The following NFIA variants were observed in gnomAD, a reference collection of about 807,000 sequenced individuals.
NFIA encodes the protein nuclear factor 1 A-type.
In NFIA, 8 loss-of-function variants were observed where a neutral mutation model predicts 62.8. That is an observed-to-expected ratio of 0.13 (90% CI 0.07 to 0.23). The LOEUF is 0.23. Ranked by LOEUF, NFIA falls within the 10% of genes least tolerant of loss-of-function variation. The pLI is 1.00. For synonymous variants in NFIA, 235 were observed against 238.1 expected (o/e 0.99, Z 0.12); for missense variants, 410 against 642.1 (o/e 0.64, Z 3.91).
intron 2 of NFIA, among the ~76,000 whole-genome samples, chr1:61,149,014 C>A (rs1035721407): frequency 6.6e-6 from 1 of 152,012 alleles, no homozygotes; most frequent in Non-Finnish European, 1.5e-5. Context: ...CAAGTGCATG[C>A]CACCATGCCT....
At chr1:61,161,100 C>T (rs143364312) in intron 2 of NFIA, among the ~76,000 whole-genome samples, 3 of 151,972 alleles carry the variant, frequency 2.0e-5, no homozygotes, top group Non-Finnish European at 2.9e-5. Flanking sequence ...TTTTTAGTAG[C>T]GATGGGATTT....
intron 2 of NFIA, among the ~76,000 whole-genome samples, 160 bp from the exon 3 acceptor site, chr1:61,277,360 C>G (rs988769502): frequency 2.6e-5 from 4 of 152,228 alleles, no homozygotes; most frequent in African/African-American, 9.6e-5. Flanking sequence ...CCCTCTCTTT[C>G]TTTTCTCTTT....
chr1:61,094,526 T>C (rs1309285858), intron 2 of NFIA, among the ~76,000 whole-genome samples: 1 of 152,226 alleles, frequency 6.6e-6, no homozygotes, highest in African/African-American at 2.4e-5. Context: ...TTTTAGAATT[T>C]AGGAGTCCAG....
rs879027317 is a variant in NFIA, at chr1:61,455,466, A to C, written c.*146A>C. The C allele has an allele frequency of 2.3e-4, 304 of 1,349,018 alleles. 9 individuals carry two copies. The Middle Eastern group carries it at 3.6e-3, about 16-fold the overall frequency. 83.6% of individuals were successfully genotyped at this position (1,349,018 alleles called of 1,614,324 possible). On this transcript the variant is annotated 3_prime_UTR_variant, in exon 11 of 11. Transcript: ENST00000403491. ...CCGATTCAAATCAACTTGTACATGG[A>C]AACAGCAAGCATTATGGTCAAACAG...
At chr1:61,416,141 TACTC>T in intron 9 of NFIA, among the ~76,000 whole-genome samples, 1 of 152,298 alleles carries the variant, frequency 6.6e-6, no homozygotes, top group African/African-American at 2.4e-5. Flanking sequence ...AATAGTGGTT[TACTC>T]CAGGGAAAGG....
At chr1:61,211,288 C>G (rs1570388318) in intron 2 of NFIA, among the ~76,000 whole-genome samples, 1 of 152,234 alleles carries the variant, frequency 6.6e-6, no homozygotes, top group South Asian at 2.1e-4. Flanking sequence ...TCATTGAGAC[C>G]TTATGAAGCC....
chr1:61,321,830 A>C (rs1660694351), intron 3 of NFIA, among the ~76,000 whole-genome samples: 1 of 152,188 alleles, frequency 6.6e-6, no homozygotes, highest in Non-Finnish European at 1.5e-5. Context: ...TTGATATCTA[A>C]TAGACATAGT....
intron 2 of NFIA, among the ~76,000 whole-genome samples, chr1:61,181,736 A>G (rs886836659): frequency 2.0e-5 from 3 of 152,070 alleles, no homozygotes; most frequent in Non-Finnish European, 2.9e-5. Context: ...TAATATTTCA[A>G]CTCTATTCCC....
At chr1:61,288,408 T>C (rs1264004260) in intron 3 of NFIA, among the ~76,000 whole-genome samples, 4 of 152,196 alleles carry the variant, frequency 2.6e-5, no homozygotes, top group African/African-American at 7.2e-5. Context: ...TGTTTGAACA[T>C]GTTAAAGAAA....
intron 3 of NFIA, among the ~76,000 whole-genome samples, chr1:61,330,436 A>ACCCCC (rs56688086): frequency 0.033 from 2,112 of 63,220 alleles, 75 homozygotes; most frequent in East Asian, 0.058. Context: ...AAATAGATAC[A>ACCCCC]CCCCCCCCAC....
At chr1:61,250,196 T>C (rs1198295858) in intron 2 of NFIA, 2 of 152,252 alleles carry the variant, frequency 1.3e-5, no homozygotes, top group Non-Finnish European at 2.9e-5. Flanking sequence ...GCTAAAAGCT[T>C]CTGGAGGCCA....
chr1:61,422,421 T>C (rs1226439778), intron 9 of NFIA, among the ~76,000 whole-genome samples: 1 of 152,172 alleles, frequency 6.6e-6, no homozygotes, highest in Admixed American at 6.5e-5. Flanking sequence ...AATGGTTGAG[T>C]GAAGGCTATT....
chr1:61,341,058 T>C (rs1661874265), intron 4 of NFIA, among the ~76,000 whole-genome samples: 1 of 135,648 alleles, frequency 7.4e-6, no homozygotes, highest in Non-Finnish European at 1.5e-5. Flanking sequence ...TGTACCGGCA[T>C]TCTTTTTTTT....
At chr1:61,294,178 A>G (rs780655316) in intron 3 of NFIA, among the ~76,000 whole-genome samples, 1 of 152,158 alleles carries the variant, frequency 6.6e-6, no homozygotes, top group East Asian at 1.9e-4. Context: ...CTCATCTCCA[A>G]TTTCTTAATG....
intron 2 of NFIA, among the ~76,000 whole-genome samples, chr1:61,123,642 A>G (rs1646923630): frequency 6.6e-6 from 1 of 152,208 alleles, no homozygotes; most frequent in Non-Finnish European, 1.5e-5. Context: ...GCTTCCTCTT[A>G]TGACTCTGAA....
At chr1:61,443,285 C>T (rs1667667656) in intron 10 of NFIA, among the ~76,000 whole-genome samples, 1 of 152,126 alleles carries the variant, frequency 6.6e-6, no homozygotes, top group African/African-American at 2.4e-5. Flanking sequence ...GCATCAGTTA[C>T]AGTCCTGTTA....
intron 4 of NFIA, among the ~76,000 whole-genome samples, chr1:61,347,812 T>TA (rs1662324118): frequency 6.6e-6 from 1 of 152,210 alleles, no homozygotes; most frequent in East Asian, 1.9e-4. Flanking sequence ...TTAAGACAAA[T>TA]ACTATATGTG....
chr1:61,259,430 C>G (rs1656616746), intron 2 of NFIA, among the ~76,000 whole-genome samples: 1 of 152,164 alleles, frequency 6.6e-6, no homozygotes, highest in South Asian at 2.1e-4. Context: ...TTCATTTAGG[C>G]AAGTACGAGC....
At chr1:61,225,541 G>A (rs896018826) in intron 2 of NFIA, among the ~76,000 whole-genome samples, 7 of 148,002 alleles carry the variant, frequency 4.7e-5, no homozygotes, top group African/African-American at 1.3e-4. Context: ...GAGCCATCGC[G>A]CCCAGCTCGT....
Sources: allele counts gnomAD v4.1 joint callset (sites outside exome capture counted in the v4.1 genomes callset), GRCh38; gene constraint gnomAD v4.1.1; transcripts MANE v1.5; gene names NCBI Gene and HGNC (gene_info 2026-07-23, HGNC 2026-07-21).